Variants in TAB2 observed in about 807,000 individuals in gnomAD.
TAB2 encodes TGF-beta activated kinase 1 (MAP3K7) binding protein 2, also known as TGF-beta-activated kinase 1 and MAP3K7-binding protein 2.
In TAB2, 3 loss-of-function variants were observed where a neutral mutation model predicts 65.0. The observed-to-expected ratio is 0.05, with a 90% CI of 0.02 to 0.12. The LOEUF is 0.12. Ranked by LOEUF, TAB2 falls within the 10% of genes least tolerant of loss-of-function variation. TAB2 has a pLI of 1.00. For missense variants in TAB2, 623 were observed against 840.3 expected, an observed-to-expected ratio of 0.74 and a Z score of 3.20; for synonymous variants, 298 against 285.1, an observed-to-expected ratio of 1.05 and a Z score of -0.46.
At chr6:149,372,823 A>G (rs1386684791) in intron 2 of TAB2, among the ~76,000 whole-genome samples, 3 of 152,122 alleles carry the variant, frequency 2.0e-5, no homozygotes, top group Non-Finnish European at 2.9e-5. Context: ...TTAGAGCAAT[A>G]TTTTTAAACG....
intron 6 of TAB2, 42 bp downstream of exon 6, chr6:149,399,226 A>C: frequency 6.3e-7 from 1 of 1,581,554 alleles, no homozygotes; most frequent in South Asian, 1.1e-5. Context: ...ACTTTTGAAA[A>C]GCAAAATTTT....
chr6:149,254,397 T>G (rs923691145), intron 1 of TAB2, among the ~76,000 whole-genome samples: 1 of 152,214 alleles, frequency 6.6e-6, no homozygotes, highest in East Asian at 1.9e-4. Context: ...GAGTTAGCCT[T>G]CTGTTTCTTG....
intron 1 of TAB2, among the ~76,000 whole-genome samples, chr6:149,349,401 C>G (rs1429820571): frequency 7.6e-6 from 1 of 131,448 alleles, no homozygotes; most frequent in Non-Finnish European, 1.6e-5. Context: ...GCCTGGGCAA[C>G]AGAGTGACAC....
At chr6:149,348,165 G>A (rs1780364749) in intron 1 of TAB2, among the ~76,000 whole-genome samples, 1 of 152,098 alleles carries the variant, frequency 6.6e-6, no homozygotes, top group African/African-American at 2.4e-5. Flanking sequence ...GGCCAAGGTG[G>A]GAGGATCACT....
At chr6:149,336,741 G>A (rs1185002130) in intron 1 of TAB2, among the ~76,000 whole-genome samples, 1 of 152,132 alleles carries the variant, frequency 6.6e-6, no homozygotes, top group Non-Finnish European at 1.5e-5. Flanking sequence ...AGCAAGGGCA[G>A]TAGTGTAGTA....
At chr6:149,365,334 A>C (rs1325938287) in intron 1 of TAB2, among the ~76,000 whole-genome samples, 1 of 152,198 alleles carries the variant, frequency 6.6e-6, no homozygotes, top group African/African-American at 2.4e-5. Context: ...CAAATGACTT[A>C]CTGCTCCACA....
At chr6:149,385,588 T>G (rs144428582) in intron 3 of TAB2, among the ~76,000 whole-genome samples, 7 of 152,284 alleles carry the variant, frequency 4.6e-5, no homozygotes, top group Non-Finnish European at 8.8e-5. Context: ...TACTTGTAGG[T>G]TCCTCCCAGT....
chr6:149,292,039 T>A (rs1317737278), intron 1 of TAB2, among the ~76,000 whole-genome samples: 3 of 152,144 alleles, frequency 2.0e-5, no homozygotes, highest in Non-Finnish European at 4.4e-5. Flanking sequence ...ATTAGAAAAG[T>A]TATAAAGCAA....
At chr6:149,243,924 C>G (rs1228036510) in intron 1 of TAB2, 2 of 152,196 alleles carry the variant, frequency 1.3e-5, no homozygotes, top group Non-Finnish European at 1.5e-5. Context: ...GCACCATCTC[C>G]ACAGTTCCTC....
chr6:149,261,549 C>G (rs570853732), intron 1 of TAB2, among the ~76,000 whole-genome samples: 2 of 152,118 alleles, frequency 1.3e-5, no homozygotes, highest in East Asian at 3.8e-4. Flanking sequence ...TGAAAGGGAG[C>G]AAAGTCTCCA....
intron 1 of TAB2, among the ~76,000 whole-genome samples, chr6:149,229,152 C>G (rs2114630479): frequency 6.6e-6 from 1 of 152,256 alleles, no homozygotes; most frequent in Admixed American, 6.5e-5. Context: ...AGAAACAAAG[C>G]AAGCCAGCCG....
chr6:149,254,964 G>T (rs539680871), intron 1 of TAB2, among the ~76,000 whole-genome samples: 1 of 152,320 alleles, frequency 6.6e-6, no homozygotes, highest in South Asian at 2.1e-4. Flanking sequence ...TAAAGTTGTT[G>T]CTGGAATAAG....
rs904792079 is a variant in TAB2, at chr6:149,400,231, C to T, written c.1939+1047C>T. The T allele has an allele frequency of 1.2e-4, 86 of 735,372 alleles. No homozygotes were observed. The Middle Eastern group carries it at 1.9e-3, about 17-fold the overall frequency. The allele number at this position is 735,372 out of a possible 1,614,324, so 45.6% of individuals were successfully genotyped here. ...GGGAGGCCCCAACAGCTCGTGCTGG[C>T]GCACACAGCGGGAGGGGAGGGAGCC... On this transcript the variant is annotated intron_variant, in intron 6 of 6. Transcript: ENST00000637181.
At chr6:149,254,932 T>A (rs1443620607) in intron 1 of TAB2, among the ~76,000 whole-genome samples, 1 of 152,194 alleles carries the variant, frequency 6.6e-6, no homozygotes, top group East Asian at 1.9e-4. Context: ...GATACTTAGA[T>A]GAGACTTTGG....
At chr6:149,227,856 A>G (rs936163855) in intron 1 of TAB2, among the ~76,000 whole-genome samples, 6 of 152,334 alleles carry the variant, frequency 3.9e-5, no homozygotes, top group South Asian at 2.1e-4. Context: ...GGTTGTTTAT[A>G]CTTGGTCTCC....
chr6:149,304,899 T>C (rs1484978393), intron 1 of TAB2, among the ~76,000 whole-genome samples: 2 of 152,120 alleles, frequency 1.3e-5, no homozygotes, highest in Non-Finnish European at 2.9e-5. Flanking sequence ...ATCACACACA[T>C]CTTCTCATAT....
chr6:149,276,672 G>A (rs1778479773), intron 1 of TAB2, among the ~76,000 whole-genome samples: 1 of 152,132 alleles, frequency 6.6e-6, no homozygotes, highest in Non-Finnish European at 1.5e-5. Context: ...AAGTGATATT[G>A]GCATAGCTGT....
At chr6:149,317,343 A>G (rs559111985), upstream of TAB2, among the ~76,000 whole-genome samples, 1 of 151,786 alleles carries the variant, frequency 6.6e-6, no homozygotes, top group South Asian at 2.1e-4. This position sits in a 1 kb window ranked among gnomAD's most constrained non-coding sequence, Gnocchi z 4.7. Flanking sequence ...AGCCCTAGCA[A>G]GACAGGCGTA....
At chr6:149,279,952 C>T (rs1778542459) in intron 1 of TAB2, among the ~76,000 whole-genome samples, 1 of 152,202 alleles carries the variant, frequency 6.6e-6, no homozygotes, top group Admixed American at 6.5e-5. Flanking sequence ...TCATGCCTGC[C>T]TTTCTTTGCT....
Sources: gnomAD v4.1 joint callset for allele counts (sites outside exome capture counted in the v4.1 genomes callset) on GRCh38, gnomAD v4.1.1 for gene constraint, Gnocchi (gnomAD v3.1) non-coding constraint, MANE v1.5 for transcripts, NCBI Gene and HGNC (gene_info 2026-07-23, HGNC 2026-07-21) for gene names.